ARAP2: variants seen among roughly 807,000 people sequenced by gnomAD.
ARAP2 encodes the protein ArfGAP with RhoGAP domain, ankyrin repeat and PH domain 2.
ARAP2 carries 148 observed loss-of-function variants against 194.5 expected under a neutral mutation model. The ratio of observed to expected loss-of-function variants is 0.76; its 90% CI spans 0.67 to 0.87. The LOEUF is 0.87. Ranked by LOEUF, ARAP2 falls within the 40% of genes least tolerant of loss-of-function variation. The pLI is 0.00. For synonymous variants in ARAP2, 695 were observed against 683.5 expected (o/e 1.02, Z -0.26); for missense variants, 2,128 against 1,989.7 (o/e 1.07, Z -1.32).
intron 1 of ARAP2, among the ~76,000 whole-genome samples, chr4:36,058,852 A>G (rs1034093290): frequency 1.3e-5 from 2 of 152,230 alleles, no homozygotes; most frequent in Admixed American, 6.5e-5. Context: ...GATAAGCCCA[A>G]TGAAGTAAGA....
chr4:36,148,404 C>A lies in ARAP2; in HGVS notation c.3000+1G>T. Reference sequence around the variant, plus strand: ...AGAGCAGTAACATAATATTTAAATACCTTGGCTATTGCCTCTGTCCATTTT... The same window carrying A: ...AGAGCAGTAACATAATATTTAAATAACTTGGCTATTGCCTCTGTCCATTTT... On this transcript the variant is annotated splice_donor_variant, in intron 17 of 32. Transcript: ENST00000303965. LOFTEE classifies it high-confidence loss of function. 6.2e-7 allele frequency: 1 copy of A among 1,609,252 alleles called. No individual in the cohort carries two copies.
At chr4:36,134,307 C>T (rs1726129749) in intron 19 of ARAP2, among the ~76,000 whole-genome samples, 1 of 151,656 alleles carries the variant, frequency 6.6e-6, no homozygotes, top group Non-Finnish European at 1.5e-5. Flanking sequence ...CTTCTGGCAC[C>T]AAAAATTTTC....
intron 5 of ARAP2, among the ~76,000 whole-genome samples, chr4:36,036,433 G>T (rs1204765226): frequency 2.1e-5 from 3 of 145,294 alleles, no homozygotes; most frequent in African/African-American, 8.6e-5. Context: ...TTGTTTTGAT[G>T]TTGTTGTGGT....
chr4:36,092,322 T>C (rs1435316595), intron 27 of ARAP2, among the ~76,000 whole-genome samples: 1 of 152,096 alleles, frequency 6.6e-6, no homozygotes, highest in Non-Finnish European at 1.5e-5. Flanking sequence ...TGAAAAAATA[T>C]ATATCGGCTG....
intron 27 of ARAP2, among the ~76,000 whole-genome samples, chr4:36,103,252 C>A (rs1157009379): frequency 2.6e-5 from 4 of 151,616 alleles, no homozygotes; most frequent in Admixed American, 2.0e-4. Flanking sequence ...TGAGTTACAT[C>A]TTATATCTTT....
Position 36,121,250 on chromosome 4 carries a change from T to A in ARAP2, c.3823A>T (p.Thr1275Ser), listed in dbSNP as rs776786331. The stretch of plus-strand genomic sequence containing the variant: ...ACTTCTTCACTAGTTTGTCCCTTCG[T>A]TTGAAACAAACAGGATGAAAAGACC... ...ALVFSSCLFQ[T>S]KGQTSEEVNV... The change falls in exon 23 of 33, where the codon ACG (threonine) becomes TCG (serine). Residue 1275 changes from threonine (T) to serine (S), a missense_variant. By Grantham distance (58) the Thr-to-Ser change is moderately conservative. Transcript: ENST00000303965. 6.2e-7 allele frequency: 1 copy of A among 1,607,124 alleles called. No individual in the cohort carries two copies. The highest frequency in any genetic ancestry group is 8.5e-7 in the Non-Finnish European group (1 of 1,175,928).
chr4:36,162,116 A>T (rs1734219395), intron 11 of ARAP2, among the ~76,000 whole-genome samples: 1 of 140,170 alleles, frequency 7.1e-6, no homozygotes, highest in Non-Finnish European at 1.5e-5. Context: ...TCAAAAAAAA[A>T]AAAAAAGAAC....
intron 15 of ARAP2, among the ~76,000 whole-genome samples, chr4:36,156,294 A>C: frequency 7.5e-6 from 1 of 132,844 alleles, no homozygotes; most frequent in South Asian, 2.9e-4. Context: ...GAAGGAAGGA[A>C]AGAAGGAAAG....
chr4:36,225,486 G>A (rs1750113450), intron 2 of ARAP2, among the ~76,000 whole-genome samples: 1 of 152,036 alleles, frequency 6.6e-6, no homozygotes, highest in South Asian at 2.1e-4. Context: ...AAGTGAAGGT[G>A]ATAAGGAAGG....
chr4:36,128,881 C>T (rs1445209542), intron 20 of ARAP2, 136 bp from the exon 21 acceptor site: 5 of 710,664 alleles, frequency 7.0e-6, no homozygotes, highest in Non-Finnish European at 1.2e-5. Context: ...TATAAACATG[C>T]ATGAGCAGGA....
At chr4:36,210,178 G>A (rs999721123) in intron 6 of ARAP2, among the ~76,000 whole-genome samples, 1 of 151,990 alleles carries the variant, frequency 6.6e-6, no homozygotes, top group Non-Finnish European at 1.5e-5. Flanking sequence ...TGCGACTCTG[G>A]ACCTTAATGC....
intron 19 of ARAP2, among the ~76,000 whole-genome samples, chr4:36,144,984 T>C (rs191210374): frequency 6.6e-6 from 1 of 152,084 alleles, no homozygotes; most frequent in Non-Finnish European, 1.5e-5. Flanking sequence ...GCTTACTTTA[T>C]TGTAAGAATA....
At chr4:36,023,702 T>C (rs532472990) in intron 5 of ARAP2, among the ~76,000 whole-genome samples, 1 of 152,270 alleles carries the variant, frequency 6.6e-6, no homozygotes, top group South Asian at 2.1e-4. Context: ...CTCGACAACA[T>C]GCAGGACATA....
At chr4:36,182,723 A>C (rs924129638) in intron 8 of ARAP2, among the ~76,000 whole-genome samples, 1 of 152,164 alleles carries the variant, frequency 6.6e-6, no homozygotes, top group Admixed American at 6.5e-5. Flanking sequence ...AAACTGATGG[A>C]CTAGATATGA....
intron 6 of ARAP2, among the ~76,000 whole-genome samples, chr4:36,206,932 C>A (rs1745658562): frequency 6.6e-6 from 1 of 152,196 alleles, no homozygotes; most frequent in Admixed American, 6.5e-5. Flanking sequence ...AATAGAAATT[C>A]TTTAATATAC....
intron 12 of ARAP2, among the ~76,000 whole-genome samples, chr4:36,161,175 A>G (rs983786078): frequency 4.0e-5 from 6 of 151,860 alleles, no homozygotes; most frequent in Admixed American, 3.3e-4. Context: ...ACACACACAC[A>G]CACACACACA....
Position 36,207,143 on chromosome 4 carries a change from A to G in ARAP2, c.1487+3247T>C, listed in dbSNP as rs762367044. On this transcript the variant is annotated intron_variant, in intron 6 of 32. Transcript: ENST00000303965. ...CAGCTTCAAACATTTCTCTTCTGAG[A>G]TGCATATTTGGGAAATGCTGGAATA... Among the ~76,000 whole-genome samples, 29 of 152,206 alleles carry G rather than the reference A, an allele frequency of 1.9e-4. 1 individual carries two copies. Among genetic ancestry groups the G allele is most frequent in the Non-Finnish European group, 3.4e-4 (23 of 68,038 alleles).
At chr4:36,102,724 A>G (rs1717311985) in intron 27 of ARAP2, among the ~76,000 whole-genome samples, 1 of 152,010 alleles carries the variant, frequency 6.6e-6, no homozygotes, top group Admixed American at 6.6e-5. Flanking sequence ...GTTGTCATAC[A>G]TTTAAAATTT....
intron 27 of ARAP2, among the ~76,000 whole-genome samples, chr4:36,105,786 C>T (rs1048528046): frequency 1.3e-5 from 2 of 151,854 alleles, no homozygotes; most frequent in Admixed American, 6.6e-5. Flanking sequence ...ACATACAGAA[C>T]CTTCACTTAT....
Sources: gnomAD v4.1 joint callset for allele counts (sites outside exome capture counted in the v4.1 genomes callset) on GRCh38, gnomAD v4.1.1 for gene constraint, MANE v1.5 for transcripts, NCBI Gene and HGNC (gene_info 2026-07-23, HGNC 2026-07-21) for gene names.